The following ABCC12 variants were observed in gnomAD, a reference collection of about 807,000 sequenced individuals.
ABCC12 encodes ATP binding cassette subfamily C member 12.
A neutral mutation model predicts 151.1 loss-of-function variants in ABCC12; 142 were observed. The ratio of observed to expected loss-of-function variants is 0.94; its 90% CI spans 0.82 to 1.08. The LOEUF (loss-of-function observed/expected upper bound fraction) is 1.08, where lower values mean the gene tolerates loss of function less well. Ranked by LOEUF, ABCC12 falls within the 50% of genes least tolerant of loss-of-function variation. The pLI is 0.00. For synonymous variants in ABCC12, 645 were observed against 646.4 expected (o/e 1.00, Z 0.03); for missense variants, 1,638 against 1,691.1 (o/e 0.97, Z 0.55).
intron 3 of ABCC12, among the ~76,000 whole-genome samples, 158 bp from the exon 4 acceptor site, chr16:48,144,223 T>C (rs926558449): frequency 2.0e-5 from 3 of 152,248 alleles, no homozygotes; most frequent in Non-Finnish European, 4.4e-5. Context: ...AGTGATGTGC[T>C]GGGGCCAGCT....
chr16:48,105,391 C>G, intron 20 of ABCC12, 55 bp from the exon 21 acceptor site: 1 of 1,517,298 alleles, frequency 6.6e-7, no homozygotes, highest in Non-Finnish European at 8.9e-7. Flanking sequence ...GCCAGGAGAA[C>G]AGGAATTTTC....
chr16:48,082,476 A>G lies in ABCC12; in HGVS notation c.*1239T>C, dbSNP rs1046920111. 1.3e-5 allele frequency among the ~76,000 whole-genome samples: 2 copies of G among 152,224 alleles called. No homozygotes were observed. Among genetic ancestry groups the G allele is most frequent in the African/African-American group, 2.4e-5 (1 of 41,462 alleles). On this transcript the variant is annotated 3_prime_UTR_variant, in exon 31 of 31. Transcript: ENST00000311303. ...CACACACCTGGGAGGGGTGTCCGCC[A>G]GGCTCCACAGCTGTGTTTCAGCGAG... is the stretch of plus-strand genomic sequence containing the variant.
At chr16:48,136,089 C>T (rs1380092213) in intron 8 of ABCC12, among the ~76,000 whole-genome samples, 1 of 152,138 alleles carries the variant, frequency 6.6e-6, no homozygotes, top group African/African-American at 2.4e-5. Flanking sequence ...AAACTGTCTT[C>T]GAAGGTTTGC....
intron 24 of ABCC12, among the ~76,000 whole-genome samples, chr16:48,092,945 T>A (rs1567444547): frequency 6.6e-6 from 1 of 152,170 alleles, no homozygotes; most frequent in East Asian, 1.9e-4. Flanking sequence ...GAGAACGCTA[T>A]GGGTGCAGAC....
intron 25 of ABCC12, among the ~76,000 whole-genome samples, 182 bp downstream of exon 25, chr16:48,090,938 T>C (rs1472015826): frequency 1.3e-5 from 2 of 152,170 alleles, no homozygotes; most frequent in Non-Finnish European, 2.9e-5. Flanking sequence ...CTCAAACTCT[T>C]GACCTCAGGT....
At chr16:48,128,298 G>A (rs1173816402) in intron 11 of ABCC12, among the ~76,000 whole-genome samples, 161 bp downstream of exon 11, 1 of 152,206 alleles carries the variant, frequency 6.6e-6, no homozygotes, top group East Asian at 1.9e-4. Context: ...CAATGTTCAT[G>A]TACATAGTTT....
chr16:48,141,234 A>C lies in ABCC12; in HGVS notation c.395T>G (p.Leu132Arg). ...CCCTATGGCTGCCATGATGATGCAC[A>C]GGATGTTGGCCACGATGTCCATCAA... The part of the protein sequence containing the change: ...RVLMDIVANI[L>R]CIIMAAIGPT... The change falls in exon 5 of 31, where the codon CTG (leucine) becomes CGG (arginine). Residue 132 changes from leucine to arginine, a missense_variant. Transcript: ENST00000311303. 1 of 1,614,174 alleles carries C rather than the reference A, an allele frequency of 6.2e-7. No homozygotes were observed. Among genetic ancestry groups the C allele is most frequent in the Non-Finnish European group, 8.5e-7 (1 of 1,180,020 alleles).
chr16:48,095,865 G>A (rs541139183), intron 24 of ABCC12, among the ~76,000 whole-genome samples: 1 of 152,280 alleles, frequency 6.6e-6, no homozygotes, highest in East Asian at 1.9e-4. Context: ...TTATCCCAGA[G>A]TTTCAGAGCA....
At position 48,083,691 on chromosome 16, in the gene ABCC12, C is replaced by T. The variant is rs1962447901; in HGVS notation, c.*24G>A. The T allele has an allele frequency of 6.2e-7, 1 of 1,612,598 alleles. No homozygotes were observed. The highest frequency in any genetic ancestry group is 8.5e-7 in the Non-Finnish European group (1 of 1,178,822). On this transcript the variant is annotated 3_prime_UTR_variant, in exon 31 of 31. Coordinates refer to ENST00000311303, the MANE Select transcript of ABCC12 (RefSeq NM_001393797.1). ...ATTCATCTCACAGAGCCTCTTCCTC[C>T]TCTAGAATCAGCCGCCAGGACCTCT...
At chr16:48,131,527 T>A (rs1165131939) in intron 9 of ABCC12, among the ~76,000 whole-genome samples, 5 of 152,140 alleles carry the variant, frequency 3.3e-5, no homozygotes, top group Admixed American at 2.0e-4. Context: ...ATCACCTCTG[T>A]TCATGGGGCC....
intron 4 of ABCC12, among the ~76,000 whole-genome samples, chr16:48,143,250 G>A (rs187741199): frequency 1.3e-5 from 2 of 152,278 alleles, no homozygotes; most frequent in East Asian, 1.9e-4. Flanking sequence ...CTGATGCGGT[G>A]CCCCTGCAAA....
At chr16:48,084,184 GA>G in intron 29 of ABCC12, 111 bp from the exon 30 acceptor site, 1 of 1,132,824 alleles carries the variant, frequency 8.8e-7, no homozygotes, top group Non-Finnish European at 1.2e-6. Flanking sequence ...ACCACAAGAT[GA>G]AAAGTAATTA....
At chr16:48,105,086 G>A (rs1448126588) in intron 21 of ABCC12, 53 bp downstream of exon 21, 9 of 1,604,426 alleles carry the variant, frequency 5.6e-6, no homozygotes, top group East Asian at 4.5e-5. Context: ...CAGGTGCTCC[G>A]TATACCTTGT....
intron 3 of ABCC12, among the ~76,000 whole-genome samples, chr16:48,145,613 G>A (rs923844308): frequency 6.6e-6 from 1 of 152,224 alleles, no homozygotes; most frequent in Non-Finnish European, 1.5e-5. Context: ...TTGCAAACCT[G>A]AATCTCAAGA....
chr16:48,105,439 C>T, intron 20 of ABCC12, 103 bp from the exon 21 acceptor site: 2 of 1,186,734 alleles, frequency 1.7e-6, no homozygotes, highest in Non-Finnish European at 2.4e-6. Context: ...TAAGAAGAAG[C>T]ACATGAGTGT....
At chr16:48,084,980 G>A (rs542069349) in intron 29 of ABCC12, among the ~76,000 whole-genome samples, 1 of 152,114 alleles carries the variant, frequency 6.6e-6, no homozygotes, top group African/African-American at 2.4e-5. Flanking sequence ...TTATTGATGA[G>A]CTGGATATGG....
chr16:48,148,041 G>C (rs562743504), intron 2 of ABCC12, among the ~76,000 whole-genome samples: 1 of 152,134 alleles, frequency 6.6e-6, no homozygotes, highest in African/African-American at 2.4e-5. Context: ...TCTGCCTCCC[G>C]GGTTCAAGCA....
chr16:48,114,841 C>G (rs776880746), intron 15 of ABCC12, among the ~76,000 whole-genome samples: 7 of 152,196 alleles, frequency 4.6e-5, no homozygotes, highest in Non-Finnish European at 1.0e-4. Context: ...CAAGCCCAGT[C>G]GCTTTCTTCA....
chr16:48,096,439 C>A (rs1963096640), intron 24 of ABCC12, among the ~76,000 whole-genome samples: 1 of 152,232 alleles, frequency 6.6e-6, no homozygotes, highest in Non-Finnish European at 1.5e-5. Context: ...AAGCTCCAGG[C>A]TTCTGCCTCC....
Sources: allele counts gnomAD v4.1 joint callset (sites outside exome capture counted in the v4.1 genomes callset), GRCh38; gene constraint gnomAD v4.1.1; transcripts MANE v1.5; gene names NCBI Gene and HGNC (gene_info 2026-07-23, HGNC 2026-07-21).